Variants in CSMD1 observed in about 807,000 individuals in gnomAD.
CSMD1 encodes CUB and Sushi multiple domains 1.
A neutral mutation model predicts 417.5 loss-of-function variants in CSMD1; 213 were observed. The ratio of observed to expected loss-of-function variants is 0.51; its 90% CI spans 0.46 to 0.57. The LOEUF is 0.57. Ranked by LOEUF, CSMD1 falls within the 20% of genes least tolerant of loss-of-function variation. CSMD1 has a pLI of 0.00. For missense variants in CSMD1, 6,923 were observed against 4,529.7 expected, an observed-to-expected ratio of 1.53 and a Z score of -15.17; for synonymous variants, 2,862 against 1,736.8, an observed-to-expected ratio of 1.65 and a Z score of -16.11.
At chr8:4,895,791 A>G (rs894065179) in intron 1 of CSMD1, among the ~76,000 whole-genome samples, 1 of 152,138 alleles carries the variant, frequency 6.6e-6, no homozygotes, top group Non-Finnish European at 1.5e-5. Flanking sequence ...TTTAAAATCA[A>G]TAAGCTGTAC....
intron 1 of CSMD1, among the ~76,000 whole-genome samples, chr8:4,822,215 G>C (rs567009515): frequency 6.6e-6 from 1 of 152,066 alleles, no homozygotes; most frequent in South Asian, 2.1e-4. Context: ...GTGATTCGTG[G>C]GGGTTTGCAA....
intron 48 of CSMD1, among the ~76,000 whole-genome samples, chr8:3,089,230 G>C (rs1814756460): frequency 6.6e-6 from 1 of 152,222 alleles, no homozygotes. Context: ...AGAATGAAAA[G>C]TCTAATGGGT....
At chr8:4,980,666 G>T (rs1330185780) in intron 1 of CSMD1, among the ~76,000 whole-genome samples, 1 of 152,148 alleles carries the variant, frequency 6.6e-6, no homozygotes, top group East Asian at 1.9e-4. Flanking sequence ...ACTTTGGGAG[G>T]CCAAAGTTGG....
chr8:4,276,226 G>A (rs775196776), intron 3 of CSMD1, among the ~76,000 whole-genome samples: 16 of 152,098 alleles, frequency 1.1e-4, no homozygotes, highest in African/African-American at 2.4e-4. Flanking sequence ...TAACGCAAAT[G>A]CCCATCAACG....
chr8:4,762,272 G>C (rs566324107), intron 1 of CSMD1, among the ~76,000 whole-genome samples: 8 of 152,140 alleles, frequency 5.3e-5, no homozygotes, highest in African/African-American at 1.7e-4. Flanking sequence ...TAATTGTGTG[G>C]TTTACGGGTA....
intron 1 of CSMD1, among the ~76,000 whole-genome samples, chr8:4,994,114 G>C (rs1280257316): frequency 3.3e-5 from 5 of 149,650 alleles, no homozygotes; most frequent in African/African-American, 1.2e-4. Flanking sequence ...AAGAGAGGGG[G>C]AAGGAATGGC....
At chr8:4,188,119 T>C (rs759330034) in intron 3 of CSMD1, among the ~76,000 whole-genome samples, 1 of 152,052 alleles carries the variant, frequency 6.6e-6, no homozygotes. Context: ...ATTAAAAACA[T>C]AGGTTTTAAG....
At chr8:3,945,540 T>C (rs1356071085) in intron 5 of CSMD1, among the ~76,000 whole-genome samples, 1 of 151,448 alleles carries the variant, frequency 6.6e-6, no homozygotes, top group Non-Finnish European at 1.5e-5. Flanking sequence ...CGTTGATTCA[T>C]ATAACTTTTG....
chr8:4,043,545 A>C (rs532986925), intron 3 of CSMD1, among the ~76,000 whole-genome samples: 14 of 152,342 alleles, frequency 9.2e-5, no homozygotes, highest in African/African-American at 3.4e-4. Flanking sequence ...GAGAAAAGAC[A>C]AATAGCTTTA....
At chr8:4,335,852 C>A (rs183842228) in intron 3 of CSMD1, among the ~76,000 whole-genome samples, 54 of 152,070 alleles carry the variant, frequency 3.6e-4, no homozygotes, top group African/African-American at 8.9e-4. Flanking sequence ...GGTATCTAAG[C>A]TGGGGAGAAC....
At chr8:4,920,971 AAAGAAAG>A (rs759438375) in intron 1 of CSMD1, among the ~76,000 whole-genome samples, 1 of 24,410 alleles carries the variant, frequency 4.1e-5, no homozygotes, top group African/African-American at 1.2e-4. Flanking sequence ...AGAAAGAAAG[AAAGAAAG>A]AAACAAAGAA....
intron 12 of CSMD1, among the ~76,000 whole-genome samples, chr8:3,433,100 T>C (rs1814324258): frequency 6.6e-6 from 1 of 152,204 alleles, no homozygotes; most frequent in Admixed American, 6.5e-5. Flanking sequence ...AGAAATACGT[T>C]TTATACAGAG....
intron 1 of CSMD1, among the ~76,000 whole-genome samples, chr8:4,947,722 T>C (rs1025120472): frequency 1.3e-5 from 2 of 152,120 alleles, no homozygotes; most frequent in African/African-American, 4.8e-5. Context: ...CTAAAGTTTG[T>C]AGCTGAGTTT....
intron 3 of CSMD1, among the ~76,000 whole-genome samples, chr8:4,412,445 C>T (rs965674142): frequency 1.3e-5 from 2 of 152,296 alleles, no homozygotes; most frequent in Non-Finnish European, 2.9e-5. Flanking sequence ...CTTCCCGAGG[C>T]CTCAACAGAA....
intron 2 of CSMD1, among the ~76,000 whole-genome samples, chr8:4,597,362 C>G (rs1194732249): frequency 1.3e-5 from 2 of 152,004 alleles, no homozygotes; most frequent in African/African-American, 4.8e-5. Flanking sequence ...ATTTCACAGA[C>G]CTAAAGTAGT....
At position 3,411,767 on chromosome 8, in the gene CSMD1, TAC is replaced by T. The variant is rs1186632924; in HGVS notation, c.1562-2164_1562-2163del. On this transcript the variant is annotated intron_variant, in intron 12 of 69. Coordinates refer to ENST00000635120, the MANE Select transcript of CSMD1 (RefSeq NM_033225.6). ...ATATACACGTGTATATACGTGTATA[TAC>T]GTGTGTATATACCTGTATATATACA... Among the ~76,000 whole-genome samples the T allele has an allele frequency of 3.8e-5, 5 of 132,046 alleles. 1 individual carries two copies. The highest frequency in any genetic ancestry group is 8.6e-5 in the African/African-American group (3 of 35,050). The allele number at this position is 132,046 out of a possible 152,430, so 86.6% of individuals were successfully genotyped here. A position where few individuals can be genotyped will look rare whatever the true frequency, so the allele number is the denominator to read the frequency against.
intron 5 of CSMD1, among the ~76,000 whole-genome samples, chr8:3,820,006 C>T (rs920840556): frequency 3.3e-5 from 5 of 152,158 alleles, no homozygotes; most frequent in African/African-American, 1.2e-4. Context: ...GCGTACTTTC[C>T]ACTTGAACAT....
intron 6 of CSMD1, among the ~76,000 whole-genome samples, chr8:3,716,770 A>G (rs994146438): frequency 6.6e-6 from 1 of 152,134 alleles, no homozygotes. Context: ...CCTCTTGACA[A>G]TATGGTTCAA....
chr8:4,448,311 G>C (rs934938236), intron 2 of CSMD1, among the ~76,000 whole-genome samples: 5 of 152,098 alleles, frequency 3.3e-5, no homozygotes, highest in African/African-American at 7.2e-5. Context: ...TTTGTTTGCC[G>C]ATCTAGGAGG....
Sources: allele counts gnomAD v4.1 joint callset (sites outside exome capture counted in the v4.1 genomes callset), GRCh38; gene constraint gnomAD v4.1.1; transcripts MANE v1.5; gene names NCBI Gene and HGNC (gene_info 2026-07-23, HGNC 2026-07-21).